GALNS: variants seen among roughly 807,000 people sequenced by gnomAD.
The protein encoded by GALNS is N-acetylgalactosamine-6-sulfatase.
Under a neutral mutation model 65.9 loss-of-function variants are expected in GALNS, and 65 were observed. The ratio of observed to expected loss-of-function variants is 0.99; its 90% CI spans 0.81 to 1.21. The LOEUF is 1.21. Ranked by LOEUF, GALNS falls within the 50% of genes most tolerant of loss-of-function variation. The pLI, the probability that GALNS is intolerant of heterozygous loss-of-function variation, is 0.00. For synonymous variants in GALNS, 346 were observed against 288.9 expected (o/e 1.20, Z -2.00); for missense variants, 776 against 700.7 (o/e 1.11, Z -1.21).
intron 1 of GALNS, among the ~76,000 whole-genome samples, chr16:88,847,795 C>T (rs993839369): frequency 1.3e-5 from 2 of 152,250 alleles, no homozygotes; most frequent in African/African-American, 4.8e-5. Flanking sequence ...GGTGAGAGGT[C>T]CGGCAGCGCC....
Position 88,814,469 on chromosome 16 carries a change from G to A in GALNS, c.1539C>T (p.Ser513=). The change falls in exon 14 of 14, where the codon TCC becomes TCT. Residue 513 remains serine, a synonymous_variant. Transcript: ENST00000268695. ...GGGACCAGAGGCACTTCTTGGGAAT[G>A]GATTCTGGAGGTGTCAGACACTTCC... The part of the protein sequence containing the change: ...KLGKCLTPPE[S]IPKKCLWSH 6.4e-7 allele frequency: 1 copy of A among 1,563,598 alleles called. No individual in the cohort carries two copies. Among genetic ancestry groups the A allele is most frequent in the South Asian group, 1.2e-5 (1 of 84,864 alleles).
intron 10 of GALNS, among the ~76,000 whole-genome samples, chr16:88,825,317 G>T (rs1297043412): frequency 8.2e-6 from 1 of 122,112 alleles, no homozygotes; most frequent in Non-Finnish European, 1.6e-5. Context: ...GGGGCGACTG[G>T]GTATCTGGGG....
intron 9 of GALNS, 144 bp from the exon 10 acceptor site, chr16:88,826,982 G>T: frequency 9.8e-7 from 1 of 1,018,946 alleles, no homozygotes; most frequent in Non-Finnish European, 1.5e-6. Context: ...AGCAGGGACT[G>T]AGCGGGGTCA....
intron 1 of GALNS, chr16:88,843,083 CTG>C (rs1335446304): frequency 1.3e-6 from 2 of 1,502,690 alleles, no homozygotes; most frequent in Non-Finnish European, 1.8e-6. Context: ...TCAGCCCACG[CTG>C]TCTTTCGCCT....
At chr16:88,834,145 G>C (rs112714538) in intron 8 of GALNS, among the ~76,000 whole-genome samples, 2 of 152,240 alleles carry the variant, frequency 1.3e-5, no homozygotes, top group African/African-American at 4.8e-5. Context: ...GCCTGCACGA[G>C]AGCCAGGCTC....
chr16:88,855,675 G>C (rs1398740883), intron 1 of GALNS: 1 of 596,134 alleles, frequency 1.7e-6, no homozygotes, highest in East Asian at 2.8e-5. Flanking sequence ...TGTTAAGTGA[G>C]ATATTTTACA....
At position 88,816,498 on chromosome 16, in the gene GALNS, T is replaced by C. The variant is rs1049804295; in HGVS notation, c.1482+1509A>G. The C allele has an allele frequency of 9.1e-6, 9 of 984,866 alleles. No homozygotes were observed. The African/African-American group carries it at 1.2e-4, about 13-fold the overall frequency. The allele number at this position is 984,866 out of a possible 1,614,324, so 61.0% of individuals were successfully genotyped here. On this transcript the variant is annotated intron_variant, in intron 13 of 13. Coordinates refer to ENST00000268695, the MANE Select transcript of GALNS (RefSeq NM_000512.5). Reference sequence around the variant, plus strand: ...AGGAAGGGCCCTGAATATCTTCCTATGAAACTTGCCAGGCACCCCCGCCCC... The same window carrying C: ...AGGAAGGGCCCTGAATATCTTCCTACGAAACTTGCCAGGCACCCCCGCCCC...
In GALNS at chr16:88,837,612, GCTCCATTACC is replaced by G. The variant is rs1567533079; in HGVS notation, c.566_566+9del. Reference sequence around the variant, plus strand: ...AGGACGTGGGAGGGGAAGGGGTGGGGCTCCATTACCTGCCAACCATCTCCCAGTCCCTGTA... The same window carrying G: ...AGGACGTGGGAGGGGAAGGGGTGGGGTGCCAACCATCTCCCAGTCCCTGTA... On this transcript the variant is annotated splice_donor_variant and splice_donor_5th_base_variant and coding_sequence_variant and intron_variant, in exon 5 of 14. Transcript: ENST00000268695. LOFTEE classifies it high-confidence loss of function. 1.2e-6 allele frequency: 2 copies of G among 1,612,106 alleles called. No homozygotes were observed. Among genetic ancestry groups the G allele is most frequent in the Non-Finnish European group, 1.7e-6 (2 of 1,179,780 alleles).
intron 1 of GALNS, chr16:88,855,548 TG>T (rs1967782191): frequency 2.9e-6 from 2 of 700,302 alleles, no homozygotes; most frequent in African/African-American, 1.7e-5. Context: ...ACATATGAGA[TG>T]GAAAAGCAGC....
At chr16:88,855,511 G>GC (rs1211794527) in intron 1 of GALNS, 17 of 702,742 alleles carry the variant, frequency 2.4e-5, no homozygotes, top group South Asian at 2.4e-4. Flanking sequence ...AGCGTGCTCT[G>GC]GAAAGCAGTC....
chr16:88,853,336 A>G (rs1037490970), intron 1 of GALNS, among the ~76,000 whole-genome samples: 13 of 151,998 alleles, frequency 8.6e-5, no homozygotes, highest in African/African-American at 3.1e-4. Context: ...GCCATGGATC[A>G]GTATCCTTCA....
At position 88,826,845 on chromosome 16, in the gene GALNS, C is replaced by T. The variant is rs765884243; in HGVS notation, c.1003-7G>A. The T allele has an allele frequency of 1.3e-6, 2 of 1,569,978 alleles. No homozygotes were observed. The highest frequency in any genetic ancestry group is 1.9e-5 in the Admixed American group (1 of 53,668). On this transcript the variant is annotated splice_polypyrimidine_tract_variant and splice_region_variant and intron_variant, in intron 9 of 13. Coordinates refer to ENST00000268695, the MANE Select transcript of GALNS (RefSeq NM_000512.5). ...TGCCCAGCTGGTGGCTCACCTGAAA[C>T]ACATGGCAGCAACACGGTCAGGGCA...
intron 1 of GALNS, chr16:88,845,740 T>C (rs901311153): frequency 4.2e-5 from 6 of 144,528 alleles, no homozygotes; most frequent in African/African-American, 1.6e-4. Flanking sequence ...CAAGACTCCG[T>C]CTCAAAAAAA....
chr16:88,824,652 G>A (rs1910614484), intron 11 of GALNS, 115 bp downstream of exon 11: 5 of 818,362 alleles, frequency 6.1e-6, no homozygotes, highest in East Asian at 2.5e-5. Context: ...CTGTGGAGGG[G>A]GTGGAGTTCC....
rs760300454 is a variant in GALNS at position 88,818,015 on chromosome 16, C to T, written c.1474G>A (p.Ala492Thr). 1.9e-6 allele frequency: 3 copies of T among 1,582,318 alleles called. No individual in the cohort carries two copies. The highest frequency in any genetic ancestry group is 1.7e-4 in the Middle Eastern group (1 of 6,044). ...AQPQLNVCNW[A>T]VMNWAPPGCE... ...ACACACCAGCCACTTACCATGACCG[C>T]CCAGTTGCACACGTTGAGCTGGGGC... is the stretch of plus-strand genomic sequence containing the variant. Residue 492 changes from alanine (A) to threonine (T), a missense_variant, in exon 13 of 14, where the codon GCG becomes ACG. Coordinates refer to ENST00000268695, the MANE Select transcript of GALNS (RefSeq NM_000512.5).
chr16:88,813,811 C>G lies in GALNS; in HGVS notation c.*628G>C, dbSNP rs559599378. On this transcript the variant is annotated 3_prime_UTR_variant, in exon 14 of 14. Transcript: ENST00000268695. ...GTTACAATGATAAGAAGCTACACGC[C>G]TCCCTCATAATTAGCGTCCAGGGAA... is the stretch of plus-strand genomic sequence containing the variant. 17 of 155,598 alleles carry G rather than the reference C, an allele frequency of 1.1e-4. No individual in the cohort carries two copies. In the South Asian group the frequency reaches 3.3e-3, roughly 30 times the overall value. The allele number at this position is 155,598 out of a possible 1,614,324, so 9.6% of individuals were successfully genotyped here.
At chr16:88,815,665 T>C in intron 13 of GALNS, 1 of 985,500 alleles carries the variant, frequency 1.0e-6, no homozygotes, top group Non-Finnish European at 1.2e-6. Flanking sequence ...CTGAGGGCAC[T>C]TTCCGGGGAC....
chr16:88,843,240 C>A (rs1014138018), intron 1 of GALNS: 2 of 1,291,204 alleles, frequency 1.5e-6, no homozygotes, highest in Non-Finnish European at 2.0e-6. Flanking sequence ...TATGTCTGTA[C>A]ACGTCTAGAT....
Position 88,837,767 on chromosome 16 carries a change from T to C in GALNS, c.423-2A>G. The C allele has an allele frequency of 6.2e-7, 1 of 1,613,864 alleles. No individual in the cohort carries two copies. Among genetic ancestry groups the C allele is most frequent in the South Asian group, 1.1e-5 (1 of 91,082 alleles). On this transcript the variant is annotated splice_acceptor_variant, in intron 4 of 13. Coordinates refer to ENST00000268695, the MANE Select transcript of GALNS (RefSeq NM_000512.5). LOFTEE classifies it high-confidence loss of function. ...AACTGGGGCCTGTGACCCAGATGCC[T>C]GGAAACAGGAACCCAGGACACTTCA...
Sources: allele counts gnomAD v4.1 joint callset (sites outside exome capture counted in the v4.1 genomes callset), GRCh38; gene constraint gnomAD v4.1.1; transcripts MANE v1.5; gene names NCBI Gene and HGNC (gene_info 2026-07-23, HGNC 2026-07-21).